ZNF34: variants seen among roughly 807,000 people sequenced by gnomAD.
ZNF34 encodes zinc finger protein 34 (KOX 32).
ZNF34 carries 8 observed loss-of-function variants against 14.4 expected under a neutral mutation model. That is an observed-to-expected ratio of 0.55 (90% confidence interval 0.33 to 1.00). ZNF34 has a LOEUF of 1.00. Ranked by LOEUF, ZNF34 falls within the 50% of genes least tolerant of loss-of-function variation. The pLI is 0.03. For missense variants in ZNF34, 538 were observed against 674.2 expected (o/e 0.80, Z 2.24); for synonymous variants, 235 against 247.9 (o/e 0.95, Z 0.49).
chr8:144,772,746 G>A lies in ZNF34; in HGVS notation c.*520C>T, dbSNP rs1041145287. On this transcript the variant is annotated 3_prime_UTR_variant, in exon 6 of 6. Transcript: ENST00000429371. The stretch of plus-strand genomic sequence containing the variant: ...GTAGAGACGGGGTTTCACCATGTTG[G>A]CCAGGCTGGTCTCAAACTCCTGACC... 6.6e-6 allele frequency among the ~76,000 whole-genome samples: 1 copy of A among 151,884 alleles called. No individual in the cohort carries two copies. Among genetic ancestry groups the A allele is most frequent in the Non-Finnish European group, 1.5e-5 (1 of 67,982 alleles).
intron 1 of ZNF34, among the ~76,000 whole-genome samples, chr8:144,783,791 T>C (rs6993407): frequency 0.45 from 67,810 of 152,102 alleles, 15,870 homozygotes; most frequent in Middle Eastern, 0.54. Flanking sequence ...TGTGCAATTA[T>C]AATAAACATT....
rs1448775721 is a variant in ZNF34, at chr8:144,773,254, A to G, written c.*12T>C. The stretch of plus-strand genomic sequence containing the variant: ...GCTCAGCTGGACTCTGCCCTCGGAC[A>G]CCGCGCCACTGTTACATGGAGAAGT... On this transcript the variant is annotated 3_prime_UTR_variant, in exon 6 of 6. Coordinates refer to ENST00000429371, the MANE Select transcript of ZNF34 (RefSeq NM_001286769.2). The surrounding 1 kb of genome is among the most constrained non-coding windows in gnomAD (Gnocchi z 5.4). 1.3e-6 allele frequency: 2 copies of G among 1,585,428 alleles called. No homozygotes were observed. The highest frequency in any genetic ancestry group is 3.4e-5 in the Admixed American group (2 of 58,830).
chr8:144,781,131 T>C (rs1825852040), intron 1 of ZNF34, among the ~76,000 whole-genome samples: 1 of 75,748 alleles, frequency 1.3e-5, no homozygotes, highest in African/African-American at 4.9e-5. Context: ...CGAGACTCCA[T>C]CTCAAATAAA....
rs191545282 is a variant in ZNF34, at chr8:144,784,154, C to T, written c.-108+3125G>A. 3.0e-3 allele frequency among the ~76,000 whole-genome samples: 428 copies of T among 143,848 alleles called. 3 individuals carry two copies. The highest frequency in any genetic ancestry group is 0.011 in the African/African-American group (397 of 37,246). The allele number at this position is 143,848 out of a possible 152,430, so 94.4% of individuals were successfully genotyped here. ...CATCGTGGGTGACAGAGCGAGACTACGTCTCCAGAAAAAAAAAAAAAAAGA... is the reference window on the plus strand; with the variant it reads ...CATCGTGGGTGACAGAGCGAGACTATGTCTCCAGAAAAAAAAAAAAAAAGA... On this transcript the variant is annotated intron_variant, in intron 1 of 5. Coordinates refer to ENST00000429371, the MANE Select transcript of ZNF34 (RefSeq NM_001286769.2).
chr8:144,775,965 T>C (rs1825487499), intron 5 of ZNF34, among the ~76,000 whole-genome samples: 1 of 152,190 alleles, frequency 6.6e-6, no homozygotes, highest in South Asian at 2.1e-4. Context: ...CTGAGACTCA[T>C]GCGCACAGAA....
In ZNF34 at chr8:144,778,000, G is replaced by C. The variant is rs200286605; in HGVS notation, c.160+38C>G. ...GCCTCTGCTGAGCCCTTAGCCCCCA[G>C]GGCTGTTCCCAGAGCTGAGTTCTGG... On this transcript the variant is annotated intron_variant, in intron 4 of 5. Coordinates refer to ENST00000429371, the MANE Select transcript of ZNF34 (RefSeq NM_001286769.2). The surrounding 1 kb of genome is among the most constrained non-coding windows in gnomAD (Gnocchi z 4.8). 1 of 1,610,654 alleles carries C rather than the reference G, an allele frequency of 6.2e-7. No homozygotes were observed.
Position 144,784,709 on chromosome 8 carries a change from G to A in ZNF34, c.-108+2570C>T, listed in dbSNP as rs576628967. Among the ~76,000 whole-genome samples the A allele has an allele frequency of 6.2e-4, 94 of 152,162 alleles. 1 individual carries two copies. Among genetic ancestry groups the A allele is most frequent in the Non-Finnish European group, 1.2e-3 (81 of 68,002 alleles). On this transcript the variant is annotated intron_variant, in intron 1 of 5. Transcript: ENST00000429371. ...GGAGGCGGAGGTTGCAGTGAGCCAA[G>A]ATCACGCCACTGCACTCCAGCCTGG...
chr8:144,782,565 C>T (rs999769424), intron 1 of ZNF34, among the ~76,000 whole-genome samples: 9 of 151,522 alleles, frequency 5.9e-5, no homozygotes, highest in African/African-American at 2.2e-4. Context: ...GGGCCGGGCA[C>T]GGTGGCTCAC....
At position 144,777,933 on chromosome 8, in the gene ZNF34, G is replaced by A; in HGVS notation, c.160+105C>T. ...GATCAGGTGCCTGCCTGGGATAAAG[G>A]TCATCACCTATCTGTGCCCAGGGGG... is the stretch of plus-strand genomic sequence containing the variant. On this transcript the variant is annotated intron_variant, in intron 4 of 5. Transcript: ENST00000429371. This position sits in a 1 kb window ranked among gnomAD's most constrained non-coding sequence, Gnocchi z 4.8. 6.6e-7 allele frequency: 1 copy of A among 1,506,306 alleles called. No homozygotes were observed. The highest frequency in any genetic ancestry group is 1.2e-5 in the South Asian group (1 of 83,184). The allele number at this position is 1,506,306 out of a possible 1,614,324, so 93.3% of individuals were successfully genotyped here.
rs534101022 is a variant in ZNF34, at chr8:144,782,576, G to A, written c.-107-2296C>T. Among the ~76,000 whole-genome samples the A allele has an allele frequency of 2.6e-5, 4 of 151,866 alleles. No homozygotes were observed. In the South Asian group the frequency reaches 6.2e-4, roughly 24 times the overall value. ...AGGAGGGCCGGGCACGGTGGCTCAC[G>A]GCTGTAATCCCAGCACTTTGGGAGG... On this transcript the variant is annotated intron_variant, in intron 1 of 5. Coordinates refer to ENST00000429371, the MANE Select transcript of ZNF34 (RefSeq NM_001286769.2).
chr8:144,786,417 TGAG>T (rs1452679921), intron 1 of ZNF34, among the ~76,000 whole-genome samples: 3 of 151,864 alleles, frequency 2.0e-5, no homozygotes, highest in East Asian at 4.0e-4. Flanking sequence ...GCAGATCACT[TGAG>T]GTCAGGAGTT....
intron 1 of ZNF34, chr8:144,785,278 TAA>T (rs1231763400): frequency 6.6e-6 from 1 of 152,168 alleles, no homozygotes; most frequent in Non-Finnish European, 1.5e-5. Flanking sequence ...CAATTTTTAA[TAA>T]ATGAACACAG....
intron 1 of ZNF34, among the ~76,000 whole-genome samples, chr8:144,782,510 C>A (rs549467466): frequency 1.6e-4 from 24 of 151,196 alleles, no homozygotes; most frequent in African/African-American, 5.6e-4. Flanking sequence ...AAACAAAAAA[C>A]AAAAGAAAAG....
At chr8:144,780,865 G>C (rs1414999004) in intron 1 of ZNF34, among the ~76,000 whole-genome samples, 2 of 151,720 alleles carry the variant, frequency 1.3e-5, no homozygotes, top group Admixed American at 1.3e-4. Flanking sequence ...GGCCAGGCGT[G>C]GTTGCTCACC....
chr8:144,784,085 G>A (rs542891062), intron 1 of ZNF34, among the ~76,000 whole-genome samples: 3 of 150,536 alleles, frequency 2.0e-5, no homozygotes, highest in East Asian at 3.9e-4. Flanking sequence ...GCGCGAACCC[G>A]GGAGGCGGAG....
intron 5 of ZNF34, among the ~76,000 whole-genome samples, chr8:144,775,230 C>T (rs1825431333): frequency 6.6e-6 from 1 of 152,214 alleles, no homozygotes; most frequent in Non-Finnish European, 1.5e-5. Flanking sequence ...AGGTGCTGAA[C>T]ACCAATATCT....
In ZNF34 at chr8:144,777,258, A is replaced by G. The variant is rs912260661; in HGVS notation, c.280+200T>C. 2.0e-5 allele frequency among the ~76,000 whole-genome samples: 3 copies of G among 151,954 alleles called. No individual in the cohort carries two copies. The highest frequency in any genetic ancestry group is 3.9e-4 in the East Asian group (2 of 5,188). ...TTTCCACAGAAATGCTGCCCTGGAG[A>G]GATTCTGCTCAATAATCTCCCCACC... is the stretch of plus-strand genomic sequence containing the variant. On this transcript the variant is annotated intron_variant, in intron 5 of 5. Coordinates refer to ENST00000429371, the MANE Select transcript of ZNF34 (RefSeq NM_001286769.2). The surrounding 1 kb of genome is among the most constrained non-coding windows in gnomAD (Gnocchi z 4.8).
intron 1 of ZNF34, among the ~76,000 whole-genome samples, chr8:144,781,154 T>TAAATAAATAAAG (rs1825856419): frequency 2.0e-5 from 3 of 149,016 alleles, no homozygotes; most frequent in African/African-American, 4.9e-5. Flanking sequence ...AATAAATAAA[T>TAAATAAATAAAG]AAATAAATAA....
At chr8:144,783,955 A>AGT (rs1826059211) in intron 1 of ZNF34, among the ~76,000 whole-genome samples, 2 of 151,790 alleles carry the variant, frequency 1.3e-5, no homozygotes. Context: ...ACGAGGTCAG[A>AGT]TCGAGACCAT....
Sources: allele counts gnomAD v4.1 joint callset (sites outside exome capture counted in the v4.1 genomes callset), GRCh38; gene constraint gnomAD v4.1.1; non-coding constraint Gnocchi (gnomAD v3.1); transcripts MANE v1.5; gene names NCBI Gene and HGNC (gene_info 2026-07-23, HGNC 2026-07-21).